The following GSTCD variants were observed in gnomAD, a reference collection of about 807,000 sequenced individuals.
GSTCD encodes the protein glutathione S-transferase C-terminal domain containing, also known as glutathione S-transferase C-terminal domain-containing protein.
A neutral mutation model predicts 68.3 loss-of-function variants in GSTCD; 44 were observed. The observed-to-expected ratio is 0.64, with a 90% CI of 0.51 to 0.83. The LOEUF is 0.83. GSTCD is among the 40% of genes least tolerant of loss of function. The pLI, the probability that GSTCD is intolerant of heterozygous loss-of-function variation, is 0.00. For synonymous variants in GSTCD, 273 were observed against 255.2 expected, an observed-to-expected ratio of 1.07 and a Z score of -0.67; for missense variants, 739 against 735.9, an observed-to-expected ratio of 1.00 and a Z score of -0.05.
intron 7 of GSTCD, 138 bp downstream of exon 7, chr4:105,823,413 G>A: frequency 1.8e-6 from 1 of 571,196 alleles, no homozygotes. Context: ...TCTTTTCTTT[G>A]AAATAAACTT....
intron 5 of GSTCD, among the ~76,000 whole-genome samples, chr4:105,797,070 G>GTGTA (rs570206536): frequency 1.3e-5 from 2 of 151,680 alleles, no homozygotes; most frequent in South Asian, 4.2e-4. Context: ...GTGTGTGTGT[G>GTGTA]TGTGTGTGTA....
intron 9 of GSTCD, among the ~76,000 whole-genome samples, chr4:105,837,039 ATG>A (rs1232415139): frequency 6.6e-6 from 1 of 152,210 alleles, no homozygotes; most frequent in Non-Finnish European, 1.5e-5. Context: ...ATGGAATTGA[ATG>A]TATGTTTATC....
intron 5 of GSTCD, among the ~76,000 whole-genome samples, chr4:105,729,946 A>G (rs907837862): frequency 5.9e-5 from 9 of 151,424 alleles, no homozygotes; most frequent in African/African-American, 2.2e-4. Context: ...TCCTGTGTCC[A>G]AGTGTTCTCA....
Position 105,795,941 on chromosome 4 carries a change from C to A in GSTCD, c.1241-27013C>A, listed in dbSNP as rs1406667428. Among the ~76,000 whole-genome samples the A allele has an allele frequency of 2.0e-5, 3 of 150,932 alleles. No homozygotes were observed. In the South Asian group the frequency reaches 6.2e-4, roughly 31 times the overall value. ...CACAACTGCTGCATCCCTGTAGAAT[C>A]GAGCTTTCACTAGCTATTTAATATT... On this transcript the variant is annotated intron_variant, in intron 5 of 11. Coordinates refer to ENST00000515279, the MANE Select transcript of GSTCD (RefSeq NM_001370181.1).
At chr4:105,804,277 A>G (rs1299295998) in intron 5 of GSTCD, among the ~76,000 whole-genome samples, 5 of 152,068 alleles carry the variant, frequency 3.3e-5, no homozygotes, top group Admixed American at 2.0e-4. Context: ...AAACTTTTCT[A>G]TTAAATAGAG....
chr4:105,712,434 G>A (rs1732565693), intron 1 of GSTCD: 1 of 152,276 alleles, frequency 6.6e-6, no homozygotes, highest in Non-Finnish European at 1.5e-5. Context: ...AAGGATAAGA[G>A]ATGAGGTCAG....
chr4:105,719,650 T>G (rs1343714510), intron 3 of GSTCD, 123 bp downstream of exon 3: 1 of 693,834 alleles, frequency 1.4e-6, no homozygotes, highest in Non-Finnish European at 2.4e-6. Flanking sequence ...AATATCTTTC[T>G]CCATTTTCTT....
At chr4:105,835,090 T>C (rs1578523153) in intron 9 of GSTCD, among the ~76,000 whole-genome samples, 2 of 152,326 alleles carry the variant, frequency 1.3e-5, no homozygotes, top group East Asian at 3.9e-4. Context: ...AATTTAATGA[T>C]ATGTGTAAAG....
At chr4:105,771,957 TGG>T (rs1463139393) in intron 5 of GSTCD, among the ~76,000 whole-genome samples, 2 of 152,224 alleles carry the variant, frequency 1.3e-5, no homozygotes, top group Non-Finnish European at 2.9e-5. Flanking sequence ...TAAATTACTT[TGG>T]GCAGTATGGC....
chr4:105,730,734 A>C (rs1415868962), intron 5 of GSTCD, among the ~76,000 whole-genome samples: 4 of 152,004 alleles, frequency 2.6e-5, no homozygotes, highest in Admixed American at 1.3e-4. Flanking sequence ...TGTGCAGAAG[A>C]TCTTTAGTTT....
intron 5 of GSTCD, among the ~76,000 whole-genome samples, chr4:105,750,645 G>C (rs530901987): frequency 6.6e-6 from 1 of 151,992 alleles, no homozygotes; most frequent in African/African-American, 2.4e-5. Flanking sequence ...CACTTTTGGG[G>C]ATTCATTCCA....
At chr4:105,709,614 C>CTTGTTTTT (rs1560787252) in intron 1 of GSTCD, among the ~76,000 whole-genome samples, 24 of 152,316 alleles carry the variant, frequency 1.6e-4, no homozygotes, top group African/African-American at 5.8e-4. Flanking sequence ...AATACACGTA[C>CTTGTTTTT]TTCCCATCCC....
At chr4:105,764,954 T>C (rs1342717046) in intron 5 of GSTCD, among the ~76,000 whole-genome samples, 1 of 152,238 alleles carries the variant, frequency 6.6e-6, no homozygotes, top group Non-Finnish European at 1.5e-5. Context: ...TCTTTAAGTT[T>C]AGGCAAAGTA....
At chr4:105,765,109 C>G (rs1203744213) in intron 5 of GSTCD, among the ~76,000 whole-genome samples, 2 of 152,034 alleles carry the variant, frequency 1.3e-5, no homozygotes, top group African/African-American at 4.8e-5. Context: ...ATGAATCTTA[C>G]CCTCTTAAAA....
At position 105,775,106 on chromosome 4, in the gene GSTCD, G is replaced by A. The variant is rs182940516; in HGVS notation, c.1240+45607G>A. On this transcript the variant is annotated intron_variant, in intron 5 of 11. Coordinates refer to ENST00000515279, the MANE Select transcript of GSTCD (RefSeq NM_001370181.1). The stretch of plus-strand genomic sequence containing the variant: ...TCTTCATGCTTTATTTCATTACATT[G>A]ATCGTCAGTCTCTGATATCCTTTCT... Among the ~76,000 whole-genome samples the A allele has an allele frequency of 4.2e-3, 643 of 151,974 alleles. 7 individuals carry two copies. The highest frequency in any genetic ancestry group is 0.015 in the African/African-American group (605 of 41,426).
intron 3 of GSTCD, among the ~76,000 whole-genome samples, chr4:105,724,395 GTGC>G (rs1398670399): frequency 2.6e-5 from 4 of 151,508 alleles, no homozygotes; most frequent in Non-Finnish European, 5.9e-5. Flanking sequence ...CTTACTTTAA[GTGC>G]TGCTTTATAA....
chr4:105,764,384 T>C lies in GSTCD; in HGVS notation c.1240+34885T>C, dbSNP rs548848057. Among the ~76,000 whole-genome samples the C allele has an allele frequency of 1.1e-4, 16 of 152,334 alleles. No homozygotes were observed. The South Asian group carries it at 3.3e-3, about 32-fold the overall frequency. ...AAGAATTTGTTCGTTTATGAGTGGC[T>C]GCAACAGATTTAGAGAAAGATGTGG... On this transcript the variant is annotated intron_variant, in intron 5 of 11. Transcript: ENST00000515279.
At chr4:105,741,255 AG>A (rs1411049038) in intron 5 of GSTCD, among the ~76,000 whole-genome samples, 3 of 152,156 alleles carry the variant, frequency 2.0e-5, no homozygotes, top group Non-Finnish European at 4.4e-5. Context: ...ATCATGTTGG[AG>A]AATTAAGATT....
intron 5 of GSTCD, among the ~76,000 whole-genome samples, chr4:105,802,916 T>C (rs1167387929): frequency 1.3e-5 from 2 of 152,076 alleles, no homozygotes; most frequent in African/African-American, 4.8e-5. Context: ...CTTGAAGTAG[T>C]TGGGCAAACA....
Sources: allele counts gnomAD v4.1 joint callset (sites outside exome capture counted in the v4.1 genomes callset), GRCh38; gene constraint gnomAD v4.1.1; transcripts MANE v1.5; gene names NCBI Gene and HGNC (gene_info 2026-07-23, HGNC 2026-07-21).